HECTD4: variants seen among roughly 807,000 people sequenced by gnomAD.
The protein encoded by HECTD4 is probable E3 ubiquitin-protein ligase HECTD4.
A neutral mutation model predicts 471.5 loss-of-function variants in HECTD4; 114 were observed. The ratio of observed to expected loss-of-function variants is 0.24; its 90% CI spans 0.21 to 0.28. HECTD4 has a LOEUF of 0.28. HECTD4 is among the 10% of genes least tolerant of loss of function. HECTD4 has a pLI of 1.00. For missense variants in HECTD4, 3,866 were observed against 5,651.5 expected (o/e 0.68, Z 10.13); for synonymous variants, 2,012 against 2,256.0 (o/e 0.89, Z 3.07).
intron 2 of HECTD4, among the ~76,000 whole-genome samples, chr12:112,315,265 T>C (rs959148761): frequency 1.6e-4 from 24 of 152,202 alleles, no homozygotes; most frequent in African/African-American, 5.8e-4. Context: ...ATCGCCTGTA[T>C]CTGACGGGCT....
chr12:112,181,539 T>G (rs1416218033), intron 62 of HECTD4, among the ~76,000 whole-genome samples: 1 of 152,148 alleles, frequency 6.6e-6, no homozygotes. Flanking sequence ...CTCAGCTCAC[T>G]GCAGCCTTCG....
intron 9 of HECTD4, among the ~76,000 whole-genome samples, chr12:112,277,069 G>A (rs912332497): frequency 2.0e-5 from 3 of 152,134 alleles, no homozygotes; most frequent in Non-Finnish European, 2.9e-5. Flanking sequence ...ATGACCCAGC[G>A]ATTCCACTCC....
intron 7 of HECTD4, among the ~76,000 whole-genome samples, chr12:112,285,282 C>G (rs1038353078): frequency 1.3e-5 from 2 of 152,108 alleles, no homozygotes; most frequent in Non-Finnish European, 2.9e-5. Flanking sequence ...GGACCTTTCC[C>G]AAGATTAGAC....
Position 112,185,485 on chromosome 12 carries a change from A to T in HECTD4, c.9481T>A (p.Leu3161Met). The T allele has an allele frequency of 6.5e-7, 1 of 1,545,970 alleles. No individual in the cohort carries two copies. The highest frequency in any genetic ancestry group is 8.7e-7 in the Non-Finnish European group (1 of 1,144,626). The change falls in exon 61 of 76, where the codon TTG (leucine) becomes ATG (methionine). Residue 3161 changes from leucine (L) to methionine (M), a missense_variant. Coordinates refer to ENST00000682272, the MANE Select transcript of HECTD4 (RefSeq NM_001388303.1). The stretch of plus-strand genomic sequence containing the variant: ...CAGGCTGCCATGTCCGTGGTCCACA[A>T]GAAGTTTCCTGAGGCAAATGAAAAT... ...LQVVELLGNF[L>M]WTTDMAACVK...
At chr12:112,172,211 G>A (rs577097512) in intron 67 of HECTD4, among the ~76,000 whole-genome samples, 4 of 152,296 alleles carry the variant, frequency 2.6e-5, no homozygotes, top group Middle Eastern at 3.4e-3. Context: ...CCCAGAGAAC[G>A]GCTTTCTCTC....
In HECTD4 at chr12:112,216,149, G is replaced by T. The variant is rs56656263; in HGVS notation, c.7465+143C>A. ...AAGTGAGGGGTTTGGTGTAAACTAGGGGGCAGCAAGGACGTGTTTGGTTTT... is the reference window on the plus strand; with the variant it reads ...AAGTGAGGGGTTTGGTGTAAACTAGTGGGCAGCAAGGACGTGTTTGGTTTT... On this transcript the variant is annotated intron_variant, in intron 48 of 75. Coordinates refer to ENST00000682272, the MANE Select transcript of HECTD4 (RefSeq NM_001388303.1). The T allele has an allele frequency of 6.4e-6, 4 of 628,390 alleles. No homozygotes were observed. In the Admixed American group the frequency reaches 1.1e-4, roughly 17 times the overall value. 38.9% of individuals were successfully genotyped at this position (628,390 alleles called of 1,614,324 possible). A position where few individuals can be genotyped will look rare whatever the true frequency, so the allele number is the denominator to read the frequency against.
Position 112,382,062 on chromosome 12 carries a change from C to A in HECTD4, c.67G>T (p.Val23Leu). Residue 23 changes from valine (V) to leucine (L), a missense_variant, in exon 1 of 76, where the codon GTG becomes TTG. Transcript: ENST00000682272. ...AAADSAQWLSVKEETIFLHDG... is the reference protein window; with the variant it reads ...AAADSAQWLSLKEETIFLHDG... ...TGCAGGAAGATGGTCTCTTCCTTCACCGAGAGCCACTGCGCCGAGTCAGCG... is the reference window on the plus strand; with the variant it reads ...TGCAGGAAGATGGTCTCTTCCTTCAACGAGAGCCACTGCGCCGAGTCAGCG... 8.2e-7 allele frequency: 1 copy of A among 1,226,618 alleles called. No homozygotes were observed. 76.0% of individuals were successfully genotyped at this position (1,226,618 alleles called of 1,614,324 possible). A position where few individuals can be genotyped will look rare whatever the true frequency, so the allele number is the denominator to read the frequency against.
At chr12:112,300,663 T>C (rs1594024836) in intron 7 of HECTD4, among the ~76,000 whole-genome samples, 1 of 152,268 alleles carries the variant, frequency 6.6e-6, no homozygotes, top group East Asian at 1.9e-4. Context: ...AGTGGTGCAA[T>C]CACAGCTCAC....
At chr12:112,189,550 C>CA (rs57209316) in intron 60 of HECTD4, among the ~76,000 whole-genome samples, 4,110 of 29,778 alleles carry the variant, frequency 0.14, 507 homozygotes, top group East Asian at 0.66. Context: ...GACTCCGTCT[C>CA]AAAAAAAAAA....
chr12:112,261,433 G>A lies in HECTD4; in HGVS notation c.2749-4C>T. 6.3e-7 allele frequency: 1 copy of A among 1,594,030 alleles called. No individual in the cohort carries two copies. On this transcript the variant is annotated splice_region_variant and splice_polypyrimidine_tract_variant and intron_variant, in intron 17 of 75. Transcript: ENST00000682272. ...CCAAAATACTGACTTTTAGCTCCTA[G>A]GCAGAAAATATCATCATATTATTTT...
chr12:112,283,615 A>G (rs1377993086), intron 7 of HECTD4, among the ~76,000 whole-genome samples: 2 of 152,228 alleles, frequency 1.3e-5, no homozygotes, highest in East Asian at 3.8e-4. Flanking sequence ...GTTGAAGTCA[A>G]ATGAGAGGAA....
At position 112,261,554 on chromosome 12, in the gene HECTD4, C is replaced by T. The variant is rs143902129; in HGVS notation, c.2749-125G>A. Reference sequence around the variant, plus strand: ...GAAATAATGAGGTGGACAGAATAAGCCCAAAGCAGTAAATTCTGCTAGAAA... The same window carrying T: ...GAAATAATGAGGTGGACAGAATAAGTCCAAAGCAGTAAATTCTGCTAGAAA... On this transcript the variant is annotated intron_variant, in intron 17 of 75. Transcript: ENST00000682272. 5.6e-4 allele frequency: 542 copies of T among 974,556 alleles called. 1 individual carries two copies. The African/African-American group carries it at 7.2e-3, about 13-fold the overall frequency. 60.4% of individuals were successfully genotyped at this position (974,556 alleles called of 1,614,324 possible). A position where few individuals can be genotyped will look rare whatever the true frequency, so the allele number is the denominator to read the frequency against.
rs2137005545 is a variant in HECTD4, at chr12:112,170,316, T to C, written c.12052+17A>G. The C allele has an allele frequency of 6.2e-7, 1 of 1,613,346 alleles. No individual in the cohort carries two copies. The highest frequency in any genetic ancestry group is 2.2e-5 in the East Asian group (1 of 44,882). On this transcript the variant is annotated intron_variant, in intron 69 of 75. Coordinates refer to ENST00000682272, the MANE Select transcript of HECTD4 (RefSeq NM_001388303.1). ...CACTGCCATTTTGCATTTTTTGCTC[T>C]CCGCAGCCAACCCCACCTCCCACAA...
chr12:112,270,560 G>T lies in HECTD4; in HGVS notation c.1943-101C>A, dbSNP rs2034393264. ...CAAAAGGTGTGTGCGCACTAGAAAA[G>T]GATATTTTGGCTATAATCTCTTTCA... is the stretch of plus-strand genomic sequence containing the variant. On this transcript the variant is annotated intron_variant, in intron 11 of 75. Transcript: ENST00000682272. 5.2e-6 allele frequency: 5 copies of T among 953,884 alleles called. No homozygotes were observed. In the South Asian group the frequency reaches 7.5e-5, roughly 14 times the overall value. The allele number at this position is 953,884 out of a possible 1,614,324, so 59.1% of individuals were successfully genotyped here.
At chr12:112,320,988 G>C (rs2035574908) in intron 1 of HECTD4, among the ~76,000 whole-genome samples, 1 of 151,886 alleles carries the variant, frequency 6.6e-6, no homozygotes, top group Non-Finnish European at 1.5e-5. Flanking sequence ...GGATTACAAG[G>C]GTGTGCCACC....
Position 112,239,948 on chromosome 12 carries a change from G to A in HECTD4, c.5038C>T (p.Leu1680=), listed in dbSNP as rs754548314. The change falls in exon 33 of 76, where the codon CTG becomes TTG. Residue 1680 remains leucine, a synonymous_variant. Transcript: ENST00000682272. This position sits in a 1 kb window ranked among gnomAD's most constrained non-coding sequence, Gnocchi z 4.9. Reference sequence around the variant, plus strand: ...CAAGCGATAGGGTAACGAGCACACAGAGACACAACAGAGGTCATGGTCTCG... The same window carrying A: ...CAAGCGATAGGGTAACGAGCACACAAAGACACAACAGAGGTCATGGTCTCG... ...FGETMTSVVS[L]CARYPIACAN... is the part of the protein sequence containing the mutation. 2 of 1,614,018 alleles carry A rather than the reference G, an allele frequency of 1.2e-6. No individual in the cohort carries two copies. Among genetic ancestry groups the A allele is most frequent in the African/African-American group, 2.7e-5 (2 of 75,056 alleles).
At chr12:112,234,686 T>C (rs184785947) in intron 37 of HECTD4, among the ~76,000 whole-genome samples, 323 of 152,360 alleles carry the variant, frequency 2.1e-3, no homozygotes, top group Non-Finnish European at 4.0e-3. Flanking sequence ...GTCAATGAGT[T>C]GGAGTTTACC....
chr12:112,375,562 G>A (rs1017739712), intron 1 of HECTD4, among the ~76,000 whole-genome samples: 5 of 152,058 alleles, frequency 3.3e-5, no homozygotes, highest in Admixed American at 2.6e-4. Flanking sequence ...GTTCCCAACC[G>A]CAGTTTGTAA....
Position 112,184,631 on chromosome 12 carries a change from T to C in HECTD4, c.10335A>G (p.Lys3445=). 1 of 1,613,868 alleles carries C rather than the reference T, an allele frequency of 6.2e-7. No individual in the cohort carries two copies. Among genetic ancestry groups the C allele is most frequent in the Non-Finnish European group, 8.5e-7 (1 of 1,179,866 alleles). ...PLQEEDTKKP[K]DKAEGGDGKV... ...TCCCGTCCCCGCCCTCGGCCTTGTC[T>C]TTTGGCTTCTTGGTGTCTTCTTCCT... is the stretch of plus-strand genomic sequence containing the variant. Residue 3445 remains lysine, a synonymous_variant, in exon 61 of 76, where the codon AAA becomes AAG. Transcript: ENST00000682272. The surrounding 1 kb of genome is among the most constrained non-coding windows in gnomAD (Gnocchi z 9.1).
Sources: gnomAD v4.1 joint callset for allele counts (sites outside exome capture counted in the v4.1 genomes callset) on GRCh38, gnomAD v4.1.1 for gene constraint, Gnocchi (gnomAD v3.1) non-coding constraint, MANE v1.5 for transcripts, NCBI Gene and HGNC (gene_info 2026-07-23, HGNC 2026-07-21) for gene names.